The following EBF2 variants were observed in gnomAD, a reference collection of about 807,000 sequenced individuals.
The protein encoded by EBF2 is EBF transcription factor 2.
Under a neutral mutation model 72.8 loss-of-function variants are expected in EBF2, and 21 were observed. The ratio of observed to expected loss-of-function variants is 0.29; its 90% CI spans 0.20 to 0.42. The LOEUF (loss-of-function observed/expected upper bound fraction) is 0.42. EBF2 is among the 10% of genes least tolerant of loss of function. The pLI is 1.00. For synonymous variants in EBF2, 299 were observed against 274.2 expected, an observed-to-expected ratio of 1.09 and a Z score of -0.89; for missense variants, 637 against 731.2, an observed-to-expected ratio of 0.87 and a Z score of 1.49.
intron 7 of EBF2, among the ~76,000 whole-genome samples, chr8:25,891,907 G>A (rs752130703): frequency 5.3e-5 from 8 of 152,058 alleles, no homozygotes; most frequent in Admixed American, 1.3e-4. Context: ...GAAGGAATGA[G>A]GCAGCATTTT....
At chr8:26,025,484 A>G (rs531442130) in intron 6 of EBF2, among the ~76,000 whole-genome samples, 1 of 152,264 alleles carries the variant, frequency 6.6e-6, no homozygotes, top group South Asian at 2.1e-4. Flanking sequence ...ATTTGCATCA[A>G]ATCCTAAAAC....
At chr8:25,974,149 G>A (rs1804231553) in intron 6 of EBF2, among the ~76,000 whole-genome samples, 1 of 152,212 alleles carries the variant, frequency 6.6e-6, no homozygotes, top group Non-Finnish European at 1.5e-5. Context: ...GTGAGATCAT[G>A]TTGTCTGACT....
chr8:25,964,168 C>G (rs971300846), intron 6 of EBF2, among the ~76,000 whole-genome samples: 14 of 150,280 alleles, frequency 9.3e-5, no homozygotes, highest in Non-Finnish European at 1.6e-4. Flanking sequence ...TTGGATGAAC[C>G]AATTTGAATA....
At chr8:26,028,917 C>T (rs1198506755) in intron 6 of EBF2, among the ~76,000 whole-genome samples, 1 of 152,210 alleles carries the variant, frequency 6.6e-6, no homozygotes, top group Non-Finnish European at 1.5e-5. Context: ...GCAGCAAGTC[C>T]TGCTAGGCTG....
chr8:25,858,026 G>A lies in EBF2; in HGVS notation c.1528+293C>T, dbSNP rs539974265. The A allele has an allele frequency of 7.1e-5, 39 of 545,930 alleles. 1 individual carries two copies. The East Asian group carries it at 1.4e-3, about 19-fold the overall frequency. The allele number at this position is 545,930 out of a possible 1,614,324, so 33.8% of individuals were successfully genotyped here. A position where few individuals can be genotyped will look rare whatever the true frequency, so the allele number is the denominator to read the frequency against. On this transcript the variant is annotated intron_variant, in intron 14 of 15. Coordinates refer to ENST00000520164, the MANE Select transcript of EBF2 (RefSeq NM_022659.4). Reference sequence around the variant, plus strand: ...CCTAAGAGCACACATATTGTTAACAGAAATGGAATCTTAATTCCTTGCTTC... The same window carrying A: ...CCTAAGAGCACACATATTGTTAACAAAAATGGAATCTTAATTCCTTGCTTC...
intron 6 of EBF2, among the ~76,000 whole-genome samples, chr8:25,955,533 A>T (rs1803931516): frequency 1.3e-5 from 2 of 152,126 alleles, no homozygotes. Context: ...CCAGGCACAT[A>T]AAAAAAATGA....
chr8:26,008,131 A>G (rs188434696), intron 6 of EBF2, among the ~76,000 whole-genome samples: 13 of 152,126 alleles, frequency 8.5e-5, no homozygotes, highest in Non-Finnish European at 2.9e-5. Context: ...ACTGCATACA[A>G]GATGGACTTC....
intron 6 of EBF2, among the ~76,000 whole-genome samples, chr8:25,912,520 A>G (rs1365956995): frequency 7.5e-5 from 1 of 13,412 alleles, no homozygotes; most frequent in Non-Finnish European, 1.6e-4. Flanking sequence ...AAATCAGGAG[A>G]AAAAAAAAAA....
chr8:26,040,070 G>A lies in EBF2; in HGVS notation c.440C>T (p.Pro147Leu). ...CGTCAGGAGAACTCGGCACATTTCC[G>A]GATTCTTATTCTGTCCCTCGTAAGC... ...PIAYEGQNKN[P>L]EMCRVLLTHE... The change falls in exon 5 of 16, where the codon CCG becomes CTG. Residue 147 changes from proline (P) to leucine (L), a missense_variant. Physicochemically the swap from Pro to Leu is moderately conservative, Grantham distance 98 (BLOSUM62 -3). Around this residue, in one of 3 missense-constraint regions of EBF2, gnomAD observed 204 missense variants for 301.2 expected, o/e 0.68. Transcript: ENST00000520164. 1 of 1,614,026 alleles carries A rather than the reference G, an allele frequency of 6.2e-7. No individual in the cohort carries two copies. The highest frequency in any genetic ancestry group is 8.5e-7 in the Non-Finnish European group (1 of 1,179,956).
intron 6 of EBF2, among the ~76,000 whole-genome samples, chr8:25,945,400 C>T (rs931924855): frequency 6.6e-6 from 1 of 152,016 alleles, no homozygotes; most frequent in South Asian, 2.1e-4. Flanking sequence ...GCAAAGATGC[C>T]TCCCTTGTCT....
chr8:25,964,286 T>G (rs911607563), intron 6 of EBF2, among the ~76,000 whole-genome samples: 1 of 152,058 alleles, frequency 6.6e-6, no homozygotes, highest in Non-Finnish European at 1.5e-5. Flanking sequence ...AACAAAAAAT[T>G]AAGATCATAT....
intron 14 of EBF2, among the ~76,000 whole-genome samples, chr8:25,853,700 TATA>T (rs1490510905): frequency 6.6e-6 from 1 of 151,982 alleles, no homozygotes; most frequent in Non-Finnish European, 1.5e-5. Context: ...AGGGCATTTT[TATA>T]ATAATGAAAA....
intron 14 of EBF2, 175 bp downstream of exon 14, chr8:25,858,144 C>A: frequency 1.2e-6 from 1 of 839,052 alleles, no homozygotes. Flanking sequence ...ACCACGTGAG[C>A]CAAAGTCCAG....
intron 14 of EBF2, among the ~76,000 whole-genome samples, chr8:25,851,695 C>CACATGACTTGACAA (rs771310997): frequency 7.2e-5 from 11 of 152,198 alleles, no homozygotes; most frequent in Non-Finnish European, 1.6e-4. Flanking sequence ...CTGTCCAAGT[C>CACATGACTTGACAA]ACATGACTTG....
In EBF2 at chr8:25,969,794, T is replaced by C. The variant is rs528407339; in HGVS notation, c.552-61239A>G. Among the ~76,000 whole-genome samples the C allele has an allele frequency of 2.0e-5, 3 of 152,264 alleles. No homozygotes were observed. In the East Asian group the frequency reaches 5.8e-4, roughly 29 times the overall value. ...ATCACAGCTCACTGCAGCTTTGAAC[T>C]CCTGGGCTCAAGCAACCCTCCCACT... On this transcript the variant is annotated intron_variant, in intron 6 of 15. Transcript: ENST00000520164.
intron 11 of EBF2, 92 bp from the exon 12 acceptor site, chr8:25,861,466 A>G: frequency 1.4e-6 from 2 of 1,406,582 alleles, no homozygotes; most frequent in Non-Finnish European, 2.0e-6. Context: ...AAATCCACAC[A>G]TCCCTCCCAA....
chr8:25,940,629 AAAAT>A (rs1563407726), intron 6 of EBF2, among the ~76,000 whole-genome samples: 1 of 150,452 alleles, frequency 6.6e-6, no homozygotes, highest in Non-Finnish European at 1.5e-5. Flanking sequence ...ATTAAAAAAA[AAAAT>A]AAAAAAAAAA....
intron 6 of EBF2, among the ~76,000 whole-genome samples, chr8:25,998,547 T>C (rs1357841214): frequency 6.6e-6 from 1 of 152,184 alleles, no homozygotes; most frequent in Non-Finnish European, 1.5e-5. Context: ...GATGGATCCT[T>C]CCATGTAAAC....
chr8:26,005,419 A>ATTTTATAAAATATAATAATAAT (rs1563205871), intron 6 of EBF2, among the ~76,000 whole-genome samples: 1 of 9,648 alleles, frequency 1.0e-4, no homozygotes, highest in Non-Finnish European at 1.4e-4. Context: ...TATATATTAT[A>ATTTTATAAAATATAATAATAAT]ATATATATTA....
Sources: allele counts gnomAD v4.1 joint callset (sites outside exome capture counted in the v4.1 genomes callset), GRCh38; gene constraint gnomAD v4.1.1; regional missense constraint gnomAD v4.1.1; transcripts MANE v1.5; gene names NCBI Gene and HGNC (gene_info 2026-07-23, HGNC 2026-07-21).